MARCHF11: variants seen among roughly 807,000 people sequenced by gnomAD.
MARCHF11 encodes E3 ubiquitin-protein ligase MARCHF11.
In MARCHF11, 29 loss-of-function variants were observed where a neutral mutation model predicts 37.3. The ratio of observed to expected loss-of-function variants is 0.78; its 90% CI spans 0.58 to 1.06. The LOEUF (loss-of-function observed/expected upper bound fraction) is 1.06, where lower values mean the gene tolerates loss of function less well. Ranked by LOEUF, MARCHF11 falls within the 50% of genes least tolerant of loss-of-function variation. MARCHF11 has a pLI of 0.00. For missense variants in MARCHF11, 482 were observed against 533.4 expected (o/e 0.90, Z 0.95); for synonymous variants, 233 against 228.0 (o/e 1.02, Z -0.20).
intron 2 of MARCHF11, among the ~76,000 whole-genome samples, chr5:16,167,744 C>T (rs941586392): frequency 3.3e-5 from 5 of 152,040 alleles, no homozygotes; most frequent in Non-Finnish European, 7.4e-5. Context: ...TGCTCACTTG[C>T]TTTTCTTCCG....
intron 3 of MARCHF11, among the ~76,000 whole-genome samples, chr5:16,082,986 C>T (rs1736638202): frequency 6.6e-6 from 1 of 152,216 alleles, no homozygotes; most frequent in Non-Finnish European, 1.5e-5. Context: ...CTCGGCTATC[C>T]TCAGTGACCC....
At chr5:16,148,395 T>C (rs967902527) in intron 2 of MARCHF11, among the ~76,000 whole-genome samples, 1 of 152,126 alleles carries the variant, frequency 6.6e-6, no homozygotes, top group Non-Finnish European at 1.5e-5. Flanking sequence ...TTTCCTTCTT[T>C]CCTCACTGGC....
At chr5:16,178,491 G>T (rs935428657) in intron 1 of MARCHF11, among the ~76,000 whole-genome samples, 1 of 152,154 alleles carries the variant, frequency 6.6e-6, no homozygotes, top group African/African-American at 2.4e-5. Flanking sequence ...GAATTGTGTT[G>T]CTGTCAAAAT....
chr5:16,080,739 T>C (rs1352980610), intron 3 of MARCHF11, among the ~76,000 whole-genome samples: 1 of 152,216 alleles, frequency 6.6e-6, no homozygotes, highest in African/African-American at 2.4e-5. Context: ...CTTTTAATTC[T>C]AGCAGCTTCC....
At position 16,067,412 on chromosome 5, in the gene MARCHF11, A is replaced by G; in HGVS notation, c.*59T>C. ...TAGAAGTGCTATGGTTTTGCCATTCACTGCAATTACATTGCAAAATGTGCA... is the reference window on the plus strand; with the variant it reads ...TAGAAGTGCTATGGTTTTGCCATTCGCTGCAATTACATTGCAAAATGTGCA... On this transcript the variant is annotated 3_prime_UTR_variant, in exon 4 of 4. Coordinates refer to ENST00000332432, the MANE Select transcript of MARCHF11 (RefSeq NM_001102562.3). The G allele has an allele frequency of 6.8e-7, 1 of 1,468,988 alleles. No individual in the cohort carries two copies. Among genetic ancestry groups the G allele is most frequent in the South Asian group, 1.3e-5 (1 of 78,890 alleles). The allele number at this position is 1,468,988 out of a possible 1,614,324, so 91.0% of individuals were successfully genotyped here. A position where few individuals can be genotyped will look rare whatever the true frequency, so the allele number is the denominator to read the frequency against.
chr5:16,139,453 T>C (rs111305427), intron 2 of MARCHF11, among the ~76,000 whole-genome samples: 8,650 of 152,240 alleles, frequency 0.057, 705 homozygotes, highest in African/African-American at 0.19. Flanking sequence ...GGGTATGTCT[T>C]TGTAGCACTA....
intron 3 of MARCHF11, among the ~76,000 whole-genome samples, chr5:16,077,245 T>G (rs1243942961): frequency 6.6e-6 from 1 of 152,148 alleles, no homozygotes; most frequent in Non-Finnish European, 1.5e-5. Flanking sequence ...GAAAGAGACT[T>G]TCTAAGAATT....
At chr5:16,109,387 C>T (rs1422698827) in intron 2 of MARCHF11, among the ~76,000 whole-genome samples, 1 of 152,154 alleles carries the variant, frequency 6.6e-6, no homozygotes, top group East Asian at 1.9e-4. Context: ...ATGATGTAAT[C>T]AATCATGCCT....
chr5:16,131,549 G>T (rs1371202765), intron 2 of MARCHF11, among the ~76,000 whole-genome samples: 3 of 152,168 alleles, frequency 2.0e-5, no homozygotes, highest in Non-Finnish European at 4.4e-5. Context: ...ACTGGTCGGG[G>T]GTGGGAGTGG....
chr5:16,122,156 A>G (rs1392016692), intron 2 of MARCHF11, among the ~76,000 whole-genome samples: 3 of 152,094 alleles, frequency 2.0e-5, no homozygotes, highest in Admixed American at 6.6e-5. Context: ...AATCACCCAC[A>G]CCAATCACCC....
intron 2 of MARCHF11, among the ~76,000 whole-genome samples, chr5:16,115,997 T>C (rs891633742): frequency 2.0e-5 from 3 of 152,208 alleles, no homozygotes; most frequent in Non-Finnish European, 4.4e-5. Context: ...TGGGTTGGTA[T>C]GCATTTTGTG....
intron 2 of MARCHF11, among the ~76,000 whole-genome samples, chr5:16,164,337 T>A (rs1198121515): frequency 1.3e-5 from 2 of 152,054 alleles, no homozygotes; most frequent in Non-Finnish European, 2.9e-5. Context: ...TACCCCACTT[T>A]CAATAGACAG....
intron 2 of MARCHF11, among the ~76,000 whole-genome samples, chr5:16,162,626 A>C (rs1175106943): frequency 6.6e-6 from 1 of 151,734 alleles, no homozygotes; most frequent in African/African-American, 2.4e-5. Context: ...ATTTCTACTT[A>C]TATATTATCA....
Position 16,080,164 on chromosome 5 carries a change from A to G in MARCHF11, c.886+10725T>C, listed in dbSNP as rs80340192. ...CTTCTGCCCATCCCAGCCATTCTCA[A>G]TTCACTGCGGTCTCGCATCCATCCA... On this transcript the variant is annotated intron_variant, in intron 3 of 3. Transcript: ENST00000332432. Among the ~76,000 whole-genome samples the G allele has an allele frequency of 4.3e-3, 658 of 152,150 alleles. 3 individuals carry two copies. Among genetic ancestry groups the G allele is most frequent in the African/African-American group, 0.015 (632 of 41,526 alleles).
intron 2 of MARCHF11, among the ~76,000 whole-genome samples, chr5:16,162,582 TG>T (rs970547787): frequency 2.6e-5 from 4 of 152,008 alleles, no homozygotes; most frequent in African/African-American, 9.7e-5. Context: ...CATTGCCCAA[TG>T]TTTTTTTCTT....
At chr5:16,102,071 G>T (rs1483334082) in intron 2 of MARCHF11, among the ~76,000 whole-genome samples, 1 of 152,224 alleles carries the variant, frequency 6.6e-6, no homozygotes, top group Non-Finnish European at 1.5e-5. Context: ...TTTATAAAAT[G>T]ACATTTGGTA....
intron 3 of MARCHF11, among the ~76,000 whole-genome samples, chr5:16,079,857 C>A (rs1736577664): frequency 6.6e-6 from 1 of 152,168 alleles, no homozygotes; most frequent in Admixed American, 6.5e-5. Flanking sequence ...CACCTCCCCT[C>A]AGGACACAGG....
intron 2 of MARCHF11, among the ~76,000 whole-genome samples, chr5:16,154,838 T>A (rs547665079): frequency 6.6e-6 from 1 of 152,032 alleles, no homozygotes; most frequent in South Asian, 2.1e-4. Flanking sequence ...AAATTCATAA[T>A]TTCTGTATTC....
intron 2 of MARCHF11, among the ~76,000 whole-genome samples, chr5:16,171,474 T>C (rs1369683094): frequency 6.6e-6 from 1 of 152,112 alleles, no homozygotes; most frequent in Non-Finnish European, 1.5e-5. Flanking sequence ...TGTTTTTGTG[T>C]GGTCCATGAG....
Sources: allele counts gnomAD v4.1 joint callset (sites outside exome capture counted in the v4.1 genomes callset), GRCh38; gene constraint gnomAD v4.1.1; transcripts MANE v1.5; gene names NCBI Gene and HGNC (gene_info 2026-07-23, HGNC 2026-07-21).